The following REDIC1 variants were observed in gnomAD, a reference collection of about 807,000 sequenced individuals.
The protein encoded by REDIC1 is regulator of DNA class I crossover intermediates 1.
At chr12:39,681,726 A>G in the REDIC1 span, among the ~76,000 whole-genome samples, 1 of 152,160 alleles carries the variant, frequency 6.6e-6, no homozygotes, top group Admixed American at 6.5e-5. Flanking sequence ...CTTTAACAAC[A>G]AGCTGAGCTC....
At chr12:39,711,492 TATAA>T in the REDIC1 span, among the ~76,000 whole-genome samples, 8 of 143,260 alleles carry the variant, frequency 5.6e-5, no homozygotes, top group African/African-American at 2.1e-4. Context: ...TATATATGTA[TATAA>T]GTATGTATAT....
the REDIC1 span, among the ~76,000 whole-genome samples, chr12:39,872,509 C>T: frequency 5.3e-5 from 8 of 152,122 alleles, no homozygotes; most frequent in African/African-American, 1.4e-4. Flanking sequence ...GACATGGGAC[C>T]CATGAGAATC....
chr12:39,892,092 G>A, the REDIC1 span, among the ~76,000 whole-genome samples: 6 of 152,150 alleles, frequency 3.9e-5, no homozygotes, highest in Admixed American at 2.6e-4. Flanking sequence ...TTACCAAAAA[G>A]CATTCATTCT....
chr12:39,749,388 A>G, the REDIC1 span, among the ~76,000 whole-genome samples: 28 of 152,250 alleles, frequency 1.8e-4, no homozygotes, highest in Non-Finnish European at 3.5e-4. Flanking sequence ...TGAATCTCTA[A>G]ATAGACCAGT....
At chr12:39,719,205 TTTG>T in the REDIC1 span, among the ~76,000 whole-genome samples, 1 of 152,152 alleles carries the variant, frequency 6.6e-6, no homozygotes, top group East Asian at 1.9e-4. Flanking sequence ...TACAGTGTTC[TTTG>T]TTAACTAGTT....
At chr12:39,746,585 T>C in the REDIC1 span, among the ~76,000 whole-genome samples, 54 of 152,310 alleles carry the variant, frequency 3.5e-4, no homozygotes, top group South Asian at 1.7e-3. Context: ...GTAGTGGTTT[T>C]CCCAGCAGAG....
At chr12:39,809,632 A>G in the REDIC1 span, among the ~76,000 whole-genome samples, 1 of 152,098 alleles carries the variant, frequency 6.6e-6, no homozygotes, top group Non-Finnish European at 1.5e-5. Flanking sequence ...CATCAGGTAT[A>G]TCTCCTAATG....
At chr12:39,709,952 A>T in the REDIC1 span, among the ~76,000 whole-genome samples, 42 of 151,764 alleles carry the variant, frequency 2.8e-4, no homozygotes, top group African/African-American at 9.2e-4. Flanking sequence ...GTGCAAAAAG[A>T]TTCCAGTTTT....
the REDIC1 span, among the ~76,000 whole-genome samples, chr12:39,853,666 ACAGC>A: frequency 6.7e-6 from 1 of 148,574 alleles, no homozygotes; most frequent in Non-Finnish European, 1.5e-5. Flanking sequence ...TCAGACTGCT[ACAGC>A]CTGGTGTTTC....
At chr12:39,786,260 C>T in the REDIC1 span, among the ~76,000 whole-genome samples, 3 of 152,048 alleles carry the variant, frequency 2.0e-5, no homozygotes, top group Admixed American at 6.5e-5. Context: ...ATGCTATCCT[C>T]GTGATAGCGA....
At chr12:39,837,362 C>T in the REDIC1 span, among the ~76,000 whole-genome samples, 31 of 135,468 alleles carry the variant, frequency 2.3e-4, no homozygotes, top group Middle Eastern at 3.7e-3. Context: ...AAGACTTAAA[C>T]GTTAGACCTA....
the REDIC1 span, among the ~76,000 whole-genome samples, chr12:39,763,380 T>G: frequency 1.7e-3 from 252 of 152,196 alleles, 1 homozygote; most frequent in African/African-American, 5.8e-3. Context: ...GGAATAGATT[T>G]TTATAATGTT....
At chr12:39,740,444 G>T in the REDIC1 span, among the ~76,000 whole-genome samples, 1 of 152,224 alleles carries the variant, frequency 6.6e-6, no homozygotes, top group South Asian at 2.1e-4. Flanking sequence ...CCAAAATGTT[G>T]TATCAAATTA....
the REDIC1 span, among the ~76,000 whole-genome samples, chr12:39,638,110 C>T: frequency 1.3e-5 from 2 of 151,934 alleles, no homozygotes; most frequent in Admixed American, 1.3e-4. Context: ...CAAACAACAA[C>T]AACAAAAAAC....
At chr12:39,833,551 C>T in the REDIC1 span, among the ~76,000 whole-genome samples, 6 of 152,170 alleles carry the variant, frequency 3.9e-5, no homozygotes, top group South Asian at 6.2e-4. Context: ...AGCCACCCTG[C>T]AGAACTTCAT....
the REDIC1 span, among the ~76,000 whole-genome samples, chr12:39,680,292 T>G: frequency 3.3e-5 from 5 of 151,912 alleles, no homozygotes; most frequent in Non-Finnish European, 1.5e-5. Flanking sequence ...AAAAAACAAG[T>G]AATCCCATCA....
At chr12:39,677,181 C>A in the REDIC1 span, among the ~76,000 whole-genome samples, 1 of 152,096 alleles carries the variant, frequency 6.6e-6, no homozygotes, top group Non-Finnish European at 1.5e-5. Context: ...CACCAAGTAT[C>A]CATTGTCTTC....
the REDIC1 span, among the ~76,000 whole-genome samples, chr12:39,727,603 G>A: frequency 3.3e-5 from 5 of 150,454 alleles, no homozygotes; most frequent in African/African-American, 1.2e-4. Flanking sequence ...TTGGCTATAC[G>A]GGCTCTTTTT....
chr12:39,676,077 A>G, the REDIC1 span, among the ~76,000 whole-genome samples: 1 of 152,206 alleles, frequency 6.6e-6, no homozygotes, highest in African/African-American at 2.4e-5. Flanking sequence ...CTAGTTCTCC[A>G]GCAATGGATC....
Sources: gnomAD v4.1 joint callset for allele counts (sites outside exome capture counted in the v4.1 genomes callset) on GRCh38, gnomAD v4.1.1 for gene constraint, MANE v1.5 for transcripts, NCBI Gene and HGNC (gene_info 2026-07-23, HGNC 2026-07-21) for gene names.